The following P4HA2 variants were observed in gnomAD, a reference collection of about 807,000 sequenced individuals.
The protein encoded by P4HA2 is prolyl 4-hydroxylase subunit alpha-2.
In P4HA2, 46 loss-of-function variants were observed where a neutral mutation model predicts 76.9. That is an observed-to-expected ratio of 0.60 (90% CI 0.47 to 0.76). The LOEUF is 0.76. Ranked by LOEUF, P4HA2 falls within the 30% of genes least tolerant of loss-of-function variation. The probability of loss-of-function intolerance (pLI) is 0.00; values close to 1 mark genes in which losing one functional copy is unlikely to be tolerated. For missense variants in P4HA2, 583 were observed against 669.4 expected, an observed-to-expected ratio of 0.87 and a Z score of 1.42; for synonymous variants, 243 against 254.0, an observed-to-expected ratio of 0.96 and a Z score of 0.41.
chr5:132,197,071 T>C (rs565955893), intron 12 of P4HA2, among the ~76,000 whole-genome samples: 18 of 152,270 alleles, frequency 1.2e-4, no homozygotes, highest in Admixed American at 1.2e-3. Context: ...ACTGCCTCTA[T>C]GCCTCTTTAG....
chr5:132,214,240 T>C (rs1013215465), intron 4 of P4HA2, among the ~76,000 whole-genome samples, 187 bp from the exon 5 acceptor site: 4 of 151,698 alleles, frequency 2.6e-5, no homozygotes, highest in Admixed American at 6.6e-5. Flanking sequence ...GGACTTTTCC[T>C]TTCTTACTCC....
At chr5:132,206,836 T>G (rs1164097077) in intron 8 of P4HA2, among the ~76,000 whole-genome samples, 1 of 152,156 alleles carries the variant, frequency 6.6e-6, no homozygotes, top group East Asian at 1.9e-4. Context: ...AAATAAAATT[T>G]TCCTTATTTC....
At chr5:132,195,529 A>T in intron 12 of P4HA2, 49 bp from the exon 13 acceptor site, 1 of 1,375,190 alleles carries the variant, frequency 7.3e-7, no homozygotes, top group Non-Finnish European at 1.0e-6. Context: ...AGGCTCTCAG[A>T]GCAATTGAGC....
At chr5:132,223,976 C>T (rs1198314688) in intron 1 of P4HA2, among the ~76,000 whole-genome samples, 1 of 152,202 alleles carries the variant, frequency 6.6e-6, no homozygotes, top group East Asian at 1.9e-4. Flanking sequence ...GAAGAACATG[C>T]CTGCCCAGGT....
chr5:132,209,770 C>A (rs1370952795), intron 6 of P4HA2, among the ~76,000 whole-genome samples: 505 of 94,804 alleles, frequency 5.3e-3, no homozygotes, highest in Middle Eastern at 0.018. Context: ...GACTCTGTCT[C>A]AAAAAAAAAA....
chr5:132,217,311 C>T lies in P4HA2; in HGVS notation c.217G>A (p.Ala73Thr), dbSNP rs1165920359. 1.9e-6 allele frequency: 3 copies of T among 1,614,206 alleles called. No homozygotes were observed. In the Admixed American group the frequency reaches 5.0e-5, roughly 27 times the overall value. ...NKMEALTSKS[A>T]ADAEGYLAHP... ...GCCAGGTAGCCCTCAGCATCAGCAG[C>T]TGACTTGCTAGTCAAGGCTTCCATT... The change falls in exon 4 of 15, where the codon GCT becomes ACT. Residue 73 changes from alanine to threonine, a missense_variant. Transcript: ENST00000360568.
chr5:132,218,490 A>G, intron 2 of P4HA2, 55 bp downstream of exon 2: 3 of 1,215,374 alleles, frequency 2.5e-6, no homozygotes, highest in Non-Finnish European at 3.7e-6. Context: ...AGCCAGAGAC[A>G]TCCGTGGCAT....
intron 1 of P4HA2, among the ~76,000 whole-genome samples, chr5:132,224,160 CA>C (rs1192762374): frequency 6.6e-6 from 1 of 152,204 alleles, no homozygotes; most frequent in Non-Finnish European, 1.5e-5. Context: ...CACAAATAAC[CA>C]GCCAGTCCAG....
chr5:132,201,570 C>G (rs568461475), intron 10 of P4HA2: 1 of 152,170 alleles, frequency 6.6e-6, no homozygotes, highest in Non-Finnish European at 1.5e-5. Flanking sequence ...CACTGACTGG[C>G]AAAGGAAATG....
At chr5:132,212,934 G>C (rs1341244798) in intron 5 of P4HA2, among the ~76,000 whole-genome samples, 1 of 152,178 alleles carries the variant, frequency 6.6e-6, no homozygotes, top group Non-Finnish European at 1.5e-5. Flanking sequence ...GAGTCTAAAG[G>C]GGGCAGCTGA....
Position 132,192,889 on chromosome 5 carries a change from C to A in P4HA2, c.*121G>T, listed in dbSNP as rs939213109. The A allele has an allele frequency of 1.4e-5, 10 of 723,780 alleles. No individual in the cohort carries two copies. Among genetic ancestry groups the A allele is most frequent in the Non-Finnish European group, 2.0e-5 (8 of 395,244 alleles). 44.8% of individuals were successfully genotyped at this position (723,780 alleles called of 1,614,324 possible). On this transcript the variant is annotated 3_prime_UTR_variant, in exon 15 of 15. Transcript: ENST00000360568. Reference sequence around the variant, plus strand: ...CGCCCTAGTATGGTCTCCCTCTGCTCCAGACAAACATTCATTTCTCCAAAA... The same window carrying A: ...CGCCCTAGTATGGTCTCCCTCTGCTACAGACAAACATTCATTTCTCCAAAA...
chr5:132,209,335 GA>G lies in P4HA2; in HGVS notation c.710-5del. 1 of 1,610,352 alleles carries G rather than the reference GA, an allele frequency of 6.2e-7. No individual in the cohort carries two copies. Among genetic ancestry groups the G allele is most frequent in the Non-Finnish European group, 8.5e-7 (1 of 1,177,854 alleles). On this transcript the variant is annotated splice_region_variant and splice_polypyrimidine_tract_variant and intron_variant, in intron 6 of 14. Transcript: ENST00000360568. ...CCAGCTCGTTCGTGGCTTGGGTCTA[GA>G]AAATGCAAGGAATGAGAAGGAAAAG...
chr5:132,211,410 T>G (rs1753065572), intron 5 of P4HA2, among the ~76,000 whole-genome samples: 1 of 152,010 alleles, frequency 6.6e-6, no homozygotes, highest in South Asian at 2.1e-4. Flanking sequence ...CAAGGAAGAC[T>G]CCCCACAGCC....
chr5:132,215,944 G>A (rs1303589903), intron 4 of P4HA2, among the ~76,000 whole-genome samples: 18 of 149,360 alleles, frequency 1.2e-4, no homozygotes, highest in African/African-American at 3.7e-4. Context: ...GGTGGATCAC[G>A]AGGTCAAGAG....
chr5:132,213,972 C>G lies in P4HA2; in HGVS notation c.413G>C (p.Arg138Thr), dbSNP rs767273167. The G allele has an allele frequency of 9.9e-6, 16 of 1,613,622 alleles. No individual in the cohort carries two copies. Among genetic ancestry groups the G allele is most frequent in the Non-Finnish European group, 1.3e-5 (15 of 1,179,598 alleles). ...DEIGAAKALM[R>T]LQDTYRLDPG... ...GTCCAGCCTGTATGTGTCCTGAAGT[C>G]TCATCAGGGCTTTGGCAGCTCCTAT... The change falls in exon 5 of 15, where the codon AGA (arginine) becomes ACA (threonine). Residue 138 changes from arginine to threonine, a missense_variant. By Grantham distance (71) the Arg-to-Thr change is moderately conservative. Coordinates refer to ENST00000360568, the MANE Select transcript of P4HA2 (RefSeq NM_001017974.2).
intron 4 of P4HA2, among the ~76,000 whole-genome samples, chr5:132,216,264 C>T (rs1472678741): frequency 6.6e-6 from 1 of 151,426 alleles, no homozygotes; most frequent in Non-Finnish European, 1.5e-5. Flanking sequence ...ACCATCTCTT[C>T]TTATTGACAG....
chr5:132,208,967 C>G (rs1246966919), intron 7 of P4HA2, among the ~76,000 whole-genome samples, 171 bp downstream of exon 7: 1 of 152,102 alleles, frequency 6.6e-6, no homozygotes, highest in African/African-American at 2.4e-5. Context: ...AGTCTCCTTT[C>G]CTACACCTCA....
intron 11 of P4HA2, 58 bp downstream of exon 11, chr5:132,198,821 C>T (rs1751068976): frequency 5.0e-6 from 6 of 1,204,506 alleles, no homozygotes; most frequent in South Asian, 1.2e-5. Flanking sequence ...AGAAGCTCCA[C>T]CCTTCTCAAA....
intron 4 of P4HA2, among the ~76,000 whole-genome samples, chr5:132,214,747 G>A (rs1753612532): frequency 6.6e-6 from 1 of 151,832 alleles, no homozygotes; most frequent in Non-Finnish European, 1.5e-5. Flanking sequence ...GACCACGGTG[G>A]GCCTGTTCTC....
Sources: allele counts gnomAD v4.1 joint callset (sites outside exome capture counted in the v4.1 genomes callset), GRCh38; gene constraint gnomAD v4.1.1; transcripts MANE v1.5; gene names NCBI Gene and HGNC (gene_info 2026-07-23, HGNC 2026-07-21).